The following GPC5 variants were observed in gnomAD, a reference collection of about 807,000 sequenced individuals.
GPC5 encodes the protein glypican 5.
A neutral mutation model predicts 53.9 loss-of-function variants in GPC5; 47 were observed. That is an observed-to-expected ratio of 0.87 (90% CI 0.69 to 1.11). GPC5 has a LOEUF of 1.11. Among genes scored for constraint, GPC5 ranks in the 50% most tolerant of loss-of-function variants. The pLI is 0.00. For missense variants in GPC5, 748 were observed against 713.1 expected, an observed-to-expected ratio of 1.05 and a Z score of -0.56; for synonymous variants, 286 against 263.3, an observed-to-expected ratio of 1.09 and a Z score of -0.84.
At chr13:91,698,761 A>AC (rs34938557) in intron 3 of GPC5, among the ~76,000 whole-genome samples, 33,952 of 152,094 alleles carry the variant, frequency 0.22, 5,055 homozygotes, top group African/African-American at 0.42. Flanking sequence ...CATGAACTTG[A>AC]AAAAGTCATG....
chr13:91,950,735 A>G (rs1301218377), intron 6 of GPC5, among the ~76,000 whole-genome samples: 1 of 152,204 alleles, frequency 6.6e-6, no homozygotes, highest in Non-Finnish European at 1.5e-5. Context: ...GAATGTTTTT[A>G]GTATTTGCTA....
chr13:91,914,803 A>C (rs1245857134), intron 6 of GPC5, among the ~76,000 whole-genome samples: 1 of 152,104 alleles, frequency 6.6e-6, no homozygotes, highest in Non-Finnish European at 1.5e-5. Flanking sequence ...AGTTTTAAAA[A>C]ATGTTAGTAT....
chr13:91,803,898 T>A (rs1034910686), intron 5 of GPC5, among the ~76,000 whole-genome samples: 4 of 149,908 alleles, frequency 2.7e-5, no homozygotes, highest in Non-Finnish European at 4.4e-5. Flanking sequence ...GATAGAAAAA[T>A]GCAGATAAAT....
chr13:91,504,502 A>G (rs1022502983), intron 2 of GPC5, among the ~76,000 whole-genome samples: 2 of 152,176 alleles, frequency 1.3e-5, no homozygotes, highest in Non-Finnish European at 2.9e-5. Flanking sequence ...AATAATAAAG[A>G]ATATAGTTAG....
At chr13:92,412,568 T>A (rs529228171) in intron 7 of GPC5, among the ~76,000 whole-genome samples, 1 of 152,310 alleles carries the variant, frequency 6.6e-6, no homozygotes, top group Non-Finnish European at 1.5e-5. Context: ...TATATGAAAT[T>A]AAAATTCCTG....
intron 7 of GPC5, among the ~76,000 whole-genome samples, chr13:92,192,902 C>T (rs917161137): frequency 4.6e-5 from 7 of 152,162 alleles, no homozygotes; most frequent in East Asian, 3.9e-4. Flanking sequence ...TGCTGCCAGG[C>T]GCTGTGGCTC....
At chr13:92,073,079 A>T (rs771397177) in intron 6 of GPC5, among the ~76,000 whole-genome samples, 1 of 152,052 alleles carries the variant, frequency 6.6e-6, no homozygotes, top group Admixed American at 6.5e-5. Context: ...TTTTCCCTCT[A>T]CAAGCTAACT....
chr13:91,457,093 T>C (rs1412437629), intron 2 of GPC5, among the ~76,000 whole-genome samples: 1 of 152,086 alleles, frequency 6.6e-6, no homozygotes, highest in Non-Finnish European at 1.5e-5. Context: ...TAAATTCTAT[T>C]AACAAATTTT....
At position 92,315,490 on chromosome 13, in the gene GPC5, T is replaced by A. The variant is rs574992027; in HGVS notation, c.1561+170501T>A. ...TCAGGGTTTGAAAAGCCCCAATCAT[T>A]TCTGCCTGTTGACCTCCTGAACTCT... On this transcript the variant is annotated intron_variant, in intron 7 of 7. Transcript: ENST00000377067. Among the ~76,000 whole-genome samples, 4 of 152,322 alleles carry A rather than the reference T, an allele frequency of 2.6e-5. No individual in the cohort carries two copies. The South Asian group carries it at 8.3e-4, about 32-fold the overall frequency.
chr13:92,402,359 C>G (rs1226091659), intron 7 of GPC5, among the ~76,000 whole-genome samples: 2 of 152,056 alleles, frequency 1.3e-5, no homozygotes, highest in East Asian at 1.9e-4. Flanking sequence ...CTTTTTTTCT[C>G]TTTCCACAAA....
At chr13:92,665,537 C>T (rs1348580546) in intron 7 of GPC5, among the ~76,000 whole-genome samples, 1 of 152,132 alleles carries the variant, frequency 6.6e-6, no homozygotes, top group Non-Finnish European at 1.5e-5. Context: ...TCTGCTTTCT[C>T]TGAATATACA....
chr13:91,420,634 G>A (rs1878550508), intron 1 of GPC5, among the ~76,000 whole-genome samples: 1 of 152,092 alleles, frequency 6.6e-6, no homozygotes, highest in South Asian at 2.1e-4. Flanking sequence ...GTTTGGTTCT[G>A]TGTCCCCACC....
At chr13:91,510,978 G>A (rs570067385) in intron 2 of GPC5, among the ~76,000 whole-genome samples, 1 of 151,172 alleles carries the variant, frequency 6.6e-6, no homozygotes, top group East Asian at 1.9e-4. Flanking sequence ...TTTTTATACT[G>A]TACTGCTTTT....
At chr13:91,482,106 C>T (rs1040262424) in intron 2 of GPC5, among the ~76,000 whole-genome samples, 1 of 152,162 alleles carries the variant, frequency 6.6e-6, no homozygotes, top group Non-Finnish European at 1.5e-5. Flanking sequence ...TTTTTATCCC[C>T]TCTGAAACTC....
chr13:91,878,367 C>T (rs1430941348), intron 5 of GPC5, among the ~76,000 whole-genome samples: 1 of 152,064 alleles, frequency 6.6e-6, no homozygotes, highest in African/African-American at 2.4e-5. Flanking sequence ...TTCTTTTGAT[C>T]AAAATAGTAG....
intron 7 of GPC5, among the ~76,000 whole-genome samples, chr13:92,750,802 C>T (rs552409288): frequency 6.6e-6 from 1 of 152,266 alleles, no homozygotes; most frequent in African/African-American, 2.4e-5. Flanking sequence ...GTAATTGTAT[C>T]TTCCCTCTCA....
chr13:91,606,390 C>T (rs1176977769), intron 2 of GPC5, among the ~76,000 whole-genome samples: 13 of 150,168 alleles, frequency 8.7e-5, no homozygotes, highest in Admixed American at 6.6e-5. Flanking sequence ...CATCAATGTT[C>T]ATCAAGGATA....
At chr13:91,420,762 G>A (rs1254809168) in intron 1 of GPC5, among the ~76,000 whole-genome samples, 7 of 152,166 alleles carry the variant, frequency 4.6e-5, no homozygotes, top group African/African-American at 1.7e-4. Context: ...TCTCACAAGA[G>A]CTGATGGTTT....
At chr13:92,025,268 C>A (rs1275149180) in intron 6 of GPC5, among the ~76,000 whole-genome samples, 1 of 152,132 alleles carries the variant, frequency 6.6e-6, no homozygotes, top group African/African-American at 2.4e-5. Flanking sequence ...CTACACAGAT[C>A]TCAAGAACAA....
Sources: gnomAD v4.1 joint callset for allele counts (sites outside exome capture counted in the v4.1 genomes callset) on GRCh38, gnomAD v4.1.1 for gene constraint, MANE v1.5 for transcripts, NCBI Gene and HGNC (gene_info 2026-07-23, HGNC 2026-07-21) for gene names.